TMEM132D: variants seen among roughly 807,000 people sequenced by gnomAD.
TMEM132D encodes the protein transmembrane protein 132D, also known as mature OL transmembrane protein.
Under a neutral mutation model 62.3 loss-of-function variants are expected in TMEM132D, and 21 were observed. The observed-to-expected ratio is 0.34, with a 90% CI of 0.24 to 0.49. TMEM132D has a LOEUF of 0.49. Ranked by LOEUF, TMEM132D falls within the 20% of genes least tolerant of loss-of-function variation. TMEM132D has a pLI of 0.99. For synonymous variants in TMEM132D, 621 were observed against 575.6 expected (o/e 1.08, Z -1.13); for missense variants, 1,346 against 1,402.8 (o/e 0.96, Z 0.65).
intron 3 of TMEM132D, among the ~76,000 whole-genome samples, chr12:129,501,264 G>A (rs1466865889): frequency 1.3e-5 from 2 of 152,150 alleles, no homozygotes; most frequent in Non-Finnish European, 2.9e-5. Flanking sequence ...GGGAGAGAGA[G>A]AAATGGAAGT....
intron 2 of TMEM132D, among the ~76,000 whole-genome samples, chr12:129,546,700 C>T (rs1290454952): frequency 1.3e-5 from 2 of 151,886 alleles, no homozygotes; most frequent in East Asian, 1.9e-4. Context: ...ACTCAGGAGG[C>T]TGAGGCAGGA....
At chr12:129,476,704 G>T (rs1002103005) in intron 3 of TMEM132D, among the ~76,000 whole-genome samples, 1 of 152,142 alleles carries the variant, frequency 6.6e-6, no homozygotes, top group Non-Finnish European at 1.5e-5. Context: ...ATGTATTTGT[G>T]GTGGGGGCTG....
At chr12:129,178,880 A>G (rs1877983503) in intron 5 of TMEM132D, among the ~76,000 whole-genome samples, 1 of 152,210 alleles carries the variant, frequency 6.6e-6, no homozygotes. Context: ...TCAAAGGAAC[A>G]CCAGCAGATG....
intron 2 of TMEM132D, among the ~76,000 whole-genome samples, chr12:129,578,434 A>ATG (rs1877743128): frequency 4.7e-5 from 2 of 42,850 alleles, no homozygotes; most frequent in African/African-American, 1.3e-4. Context: ...GTATATATAT[A>ATG]TATGTATGTA....
chr12:129,258,869 G>A (rs759277380), intron 4 of TMEM132D, among the ~76,000 whole-genome samples: 3 of 152,196 alleles, frequency 2.0e-5, no homozygotes, highest in Admixed American at 1.3e-4. Context: ...AAAAAGAAAA[G>A]GTGGGCGATG....
At chr12:129,843,513 G>T (rs554339530) in intron 1 of TMEM132D, among the ~76,000 whole-genome samples, 2 of 152,220 alleles carry the variant, frequency 1.3e-5, no homozygotes, top group Admixed American at 1.3e-4. Context: ...AAATGATATT[G>T]ACAGATTATT....
intron 5 of TMEM132D, among the ~76,000 whole-genome samples, chr12:129,185,067 A>G (rs1878185260): frequency 6.6e-6 from 1 of 152,156 alleles, no homozygotes; most frequent in African/African-American, 2.4e-5. Flanking sequence ...CCTGCGCTGA[A>G]CTTATTTATT....
Position 129,777,390 on chromosome 12 carries a change from G to A in TMEM132D, c.80-76692C>T, listed in dbSNP as rs193055248. Among the ~76,000 whole-genome samples, 698 of 152,286 alleles carry A rather than the reference G, an allele frequency of 4.6e-3. 2 individuals are homozygous for A. The highest frequency in any genetic ancestry group is 8.2e-3 in the Non-Finnish European group (555 of 68,038). On this transcript the variant is annotated intron_variant, in intron 1 of 8. Transcript: ENST00000422113. ...AAACTTTAAAACAGACTCTGCGTGG[G>A]AAGAACAGAATCCACTTGCGAGCTA...
intron 1 of TMEM132D, among the ~76,000 whole-genome samples, chr12:129,835,171 T>C (rs567256117): frequency 6.4e-4 from 98 of 152,232 alleles, no homozygotes; most frequent in African/African-American, 2.2e-3. Flanking sequence ...TGCAAGGAGA[T>C]GCAAGAAAAG....
intron 5 of TMEM132D, among the ~76,000 whole-genome samples, chr12:129,150,987 C>G (rs531248945): frequency 6.6e-6 from 1 of 152,160 alleles, no homozygotes; most frequent in Non-Finnish European, 1.5e-5. Flanking sequence ...GAGTGGCTGC[C>G]GGCTTGTATC....
At chr12:129,555,612 T>G (rs752755687) in intron 2 of TMEM132D, among the ~76,000 whole-genome samples, 24 of 152,216 alleles carry the variant, frequency 1.6e-4, no homozygotes, top group Non-Finnish European at 7.3e-5. Context: ...TGTTGGTATT[T>G]CAAACTAATT....
At chr12:129,357,239 C>T (rs1460781218) in intron 3 of TMEM132D, among the ~76,000 whole-genome samples, 6 of 124,988 alleles carry the variant, frequency 4.8e-5, no homozygotes, top group East Asian at 2.3e-4. Context: ...AGAGTGAGAC[C>T]GTGTCTCAAA....
Position 129,073,882 on chromosome 12 carries a change from T to G in TMEM132D, c.3293A>C (p.Asn1098Thr), listed in dbSNP as rs766299752. The G allele has an allele frequency of 6.5e-7, 1 of 1,533,150 alleles. No homozygotes were observed. Among genetic ancestry groups the G allele is most frequent in the Non-Finnish European group, 8.8e-7 (1 of 1,142,046 alleles). The allele number at this position is 1,533,150 out of a possible 1,614,324, so 95.0% of individuals were successfully genotyped here. ...TGTCTGTGTGTGTCTGGCTTACACA[T>G]TTTCATGTAACCTCTCCATGTAGTT... ...LHNYMERLHE[N>T]V The change falls in exon 9 of 9, where the codon AAT becomes ACT. Residue 1098 changes from asparagine to threonine, a missense_variant. Physicochemically the swap from Asn to Thr is moderately conservative, Grantham distance 65. Transcript: ENST00000422113.
chr12:129,487,040 G>T (rs373981968), intron 3 of TMEM132D, among the ~76,000 whole-genome samples: 4 of 151,776 alleles, frequency 2.6e-5, no homozygotes, highest in Admixed American at 6.6e-5. Context: ...ATGGGGGGGG[G>T]GGTTGTGGGT....
At chr12:129,497,624 T>C (rs1874999188) in intron 3 of TMEM132D, among the ~76,000 whole-genome samples, 1 of 152,242 alleles carries the variant, frequency 6.6e-6, no homozygotes, top group Admixed American at 6.5e-5. Flanking sequence ...CAGTTGTTCA[T>C]TGGCTTTGAA....
In TMEM132D at chr12:129,794,023, T is replaced by C. The variant is rs556255699; in HGVS notation, c.80-93325A>G. On this transcript the variant is annotated intron_variant, in intron 1 of 8. Coordinates refer to ENST00000422113, the MANE Select transcript of TMEM132D (RefSeq NM_133448.3). ...ATATTGGATTTTTTAACTTATTCCA[T>C]GGAGATCCTTATTCTTGAGTTTATA... 5.3e-5 allele frequency among the ~76,000 whole-genome samples: 8 copies of C among 152,210 alleles called. No individual in the cohort carries two copies. In the South Asian group the frequency reaches 1.5e-3, roughly 28 times the overall value.
chr12:129,332,160 C>A (rs1053342529), intron 4 of TMEM132D, among the ~76,000 whole-genome samples: 1 of 152,150 alleles, frequency 6.6e-6, no homozygotes. Context: ...GCTAATGCAC[C>A]TTTAATGACC....
At chr12:129,430,450 A>C (rs1041690357) in intron 3 of TMEM132D, among the ~76,000 whole-genome samples, 1 of 152,068 alleles carries the variant, frequency 6.6e-6, no homozygotes, top group Admixed American at 6.5e-5. Context: ...AATTTGTTTG[A>C]GTTCATTATA....
chr12:129,669,864 A>T (rs1880464001), intron 2 of TMEM132D, among the ~76,000 whole-genome samples: 2 of 152,168 alleles, frequency 1.3e-5, no homozygotes, highest in Admixed American at 1.3e-4. Flanking sequence ...AAAACTATAG[A>T]TGAGGGTACT....
Sources: allele counts gnomAD v4.1 joint callset (sites outside exome capture counted in the v4.1 genomes callset), GRCh38; gene constraint gnomAD v4.1.1; transcripts MANE v1.5; gene names NCBI Gene and HGNC (gene_info 2026-07-23, HGNC 2026-07-21).